COL23A1: variants seen among roughly 807,000 people sequenced by gnomAD.
The protein encoded by COL23A1 is collagen type XXIII alpha 1 chain.
COL23A1 carries 97 observed loss-of-function variants against 99.3 expected under a neutral mutation model. The ratio of observed to expected loss-of-function variants is 0.98; its 90% CI spans 0.83 to 1.16. COL23A1 has a LOEUF of 1.16. Among genes scored for constraint, COL23A1 ranks in the 50% most tolerant of loss-of-function variants. The pLI is 0.00. For synonymous variants in COL23A1, 320 were observed against 308.2 expected (o/e 1.04, Z -0.40); for missense variants, 762 against 757.4 (o/e 1.01, Z -0.07).
intron 2 of COL23A1, among the ~76,000 whole-genome samples, chr5:178,403,127 T>TA (rs1480481254): frequency 1.3e-4 from 7 of 52,804 alleles, no homozygotes; most frequent in African/African-American, 6.0e-4. Flanking sequence ...AAAAAATAAA[T>TA]AAATAAAAAA....
chr5:178,318,421 G>A (rs1759093344), intron 2 of COL23A1, among the ~76,000 whole-genome samples: 1 of 152,196 alleles, frequency 6.6e-6, no homozygotes, highest in Non-Finnish European at 1.5e-5. Flanking sequence ...CAGACCCTTC[G>A]GCCCAGGCAG....
intron 2 of COL23A1, among the ~76,000 whole-genome samples, chr5:178,349,083 G>A (rs536938600): frequency 2.7e-4 from 41 of 152,276 alleles, no homozygotes; most frequent in Admixed American, 1.4e-3. Flanking sequence ...CGGTAGAGCC[G>A]ACGAGGGCTT....
At position 178,380,433 on chromosome 5, in the gene COL23A1, T is replaced by C. The variant is rs552348595; in HGVS notation, c.362-73514A>G. Among the ~76,000 whole-genome samples, 226 of 151,960 alleles carry C rather than the reference T, an allele frequency of 1.5e-3. 1 individual carries two copies. Among genetic ancestry groups the C allele is most frequent in the Admixed American group, 2.6e-3 (39 of 15,240 alleles). On this transcript the variant is annotated intron_variant, in intron 2 of 28. Transcript: ENST00000390654. ...TGTGTGTGTGTGTGTGTATGCTTTTTTCCTGTTTTTGTACTTCTCTCATAT... is the reference window on the plus strand; with the variant it reads ...TGTGTGTGTGTGTGTGTATGCTTTTCTCCTGTTTTTGTACTTCTCTCATAT...
chr5:178,556,909 C>T (rs1762306179), intron 2 of COL23A1, among the ~76,000 whole-genome samples: 1 of 151,946 alleles, frequency 6.6e-6, no homozygotes, highest in Admixed American at 6.6e-5. Flanking sequence ...GCTGAGATCG[C>T]GCCATTGCAC....
chr5:178,459,306 T>A (rs1755984581), intron 2 of COL23A1, among the ~76,000 whole-genome samples: 1 of 152,164 alleles, frequency 6.6e-6, no homozygotes, highest in Non-Finnish European at 1.5e-5. Flanking sequence ...AATAAACATG[T>A]CTATAATTTG....
At chr5:178,586,396 A>G (rs1764007927) in intron 1 of COL23A1, among the ~76,000 whole-genome samples, 1 of 152,160 alleles carries the variant, frequency 6.6e-6, no homozygotes, top group Non-Finnish European at 1.5e-5. Flanking sequence ...GCTGATAGGA[A>G]ACCTCAGGCA....
At chr5:178,577,965 G>T (rs769333298) in intron 1 of COL23A1, among the ~76,000 whole-genome samples, 25 of 150,748 alleles carry the variant, frequency 1.7e-4, no homozygotes, top group Admixed American at 4.0e-4. Context: ...GGTCAGGCTG[G>T]TCCCATCTGG....
chr5:178,433,871 G>C (rs1766401828), intron 2 of COL23A1, among the ~76,000 whole-genome samples: 1 of 152,228 alleles, frequency 6.6e-6, no homozygotes, highest in Non-Finnish European at 1.5e-5. Context: ...TTAAAATGAG[G>C]TCGTGTGTCC....
chr5:178,399,678 C>G (rs1421120564), intron 2 of COL23A1, among the ~76,000 whole-genome samples: 1 of 152,178 alleles, frequency 6.6e-6, no homozygotes, highest in Non-Finnish European at 1.5e-5. Flanking sequence ...AACAAACAAG[C>G]AAGCCAAAAC....
intron 28 of COL23A1, 40 bp downstream of exon 28, chr5:178,239,101 C>T (rs1234076502): frequency 3.1e-6 from 5 of 1,611,202 alleles, no homozygotes; most frequent in Admixed American, 1.7e-5. Flanking sequence ...CCCTCCCCTG[C>T]CTCTCCCAAG....
intron 2 of COL23A1, among the ~76,000 whole-genome samples, chr5:178,431,258 C>T (rs369173297): frequency 4.6e-5 from 7 of 152,112 alleles, no homozygotes; most frequent in African/African-American, 1.4e-4. Context: ...TCCTGTCACA[C>T]GCAGGGTGTG....
chr5:178,441,701 A>T (rs1766875113), intron 2 of COL23A1, among the ~76,000 whole-genome samples: 1 of 152,214 alleles, frequency 6.6e-6, no homozygotes, highest in African/African-American at 2.4e-5. Context: ...AACCCCTAAC[A>T]GACGACACGG....
rs547624849 is a variant in COL23A1 at position 178,316,924 on chromosome 5, G to C, written c.362-10005C>G. Among the ~76,000 whole-genome samples the C allele has an allele frequency of 2.4e-3, 360 of 152,024 alleles. 1 individual carries two copies. The highest frequency in any genetic ancestry group is 4.4e-3 in the Non-Finnish European group (302 of 67,996). On this transcript the variant is annotated intron_variant, in intron 2 of 28. Coordinates refer to ENST00000390654, the MANE Select transcript of COL23A1 (RefSeq NM_173465.4). ...AAATTCTGAGTGAGTTACATCACTA[G>C]AGAGTATACGAGTCTTCCACTCTGG...
chr5:178,350,223 C>T (rs1761244367), intron 2 of COL23A1, among the ~76,000 whole-genome samples: 1 of 152,228 alleles, frequency 6.6e-6, no homozygotes, highest in Non-Finnish European at 1.5e-5. Context: ...GGTCATGCCC[C>T]TCTCTGTTCC....
At chr5:178,567,552 G>A (rs1406766564) in intron 1 of COL23A1, among the ~76,000 whole-genome samples, 1 of 152,124 alleles carries the variant, frequency 6.6e-6, no homozygotes, top group African/African-American at 2.4e-5. Flanking sequence ...ACACCAGCCT[G>A]GCTAACATGG....
chr5:178,376,238 G>A lies in COL23A1; in HGVS notation c.362-69319C>T, dbSNP rs552238767. On this transcript the variant is annotated intron_variant, in intron 2 of 28. Transcript: ENST00000390654. ...TGATTTGTCTGTCCCCTTGCTAAAC[G>A]GGCATGCCATCGGATCCGGGTTTCC... Among the ~76,000 whole-genome samples, 15 of 152,334 alleles carry A rather than the reference G, an allele frequency of 9.8e-5. 1 individual carries two copies. The highest frequency in any genetic ancestry group is 8.3e-4 in the South Asian group (4 of 4,820).
At chr5:178,519,488 T>G (rs571238408) in intron 2 of COL23A1, among the ~76,000 whole-genome samples, 12 of 152,380 alleles carry the variant, frequency 7.9e-5, no homozygotes, top group African/African-American at 2.9e-4. Flanking sequence ...CACACAATTC[T>G]GACAGGGACT....
chr5:178,448,200 G>A (rs1275366664), intron 2 of COL23A1, among the ~76,000 whole-genome samples: 1 of 69,272 alleles, frequency 1.4e-5, no homozygotes, highest in Non-Finnish European at 2.9e-5. Context: ...AGTGCTAGTC[G>A]CAGTCCGTTT....
intron 2 of COL23A1, among the ~76,000 whole-genome samples, chr5:178,558,896 C>T (rs1762414217): frequency 6.6e-6 from 1 of 151,952 alleles, no homozygotes; most frequent in Admixed American, 6.6e-5. Flanking sequence ...TGAAGCAATT[C>T]TCCCACCTCA....
Sources: allele counts gnomAD v4.1 joint callset (sites outside exome capture counted in the v4.1 genomes callset), GRCh38; gene constraint gnomAD v4.1.1; transcripts MANE v1.5; gene names NCBI Gene and HGNC (gene_info 2026-07-23, HGNC 2026-07-21).